CARMIL1: variants seen among roughly 807,000 people sequenced by gnomAD.
CARMIL1 encodes the protein F-actin-uncapping protein LRRC16A.
Under a neutral mutation model 177.1 loss-of-function variants are expected in CARMIL1, and 90 were observed. The ratio of observed to expected loss-of-function variants is 0.51; its 90% CI spans 0.43 to 0.61. The LOEUF is 0.61. Among genes scored for constraint, CARMIL1 ranks in the 20% least tolerant of loss-of-function variants. The pLI, the probability that CARMIL1 is intolerant of heterozygous loss-of-function variation, is 0.00. For synonymous variants in CARMIL1, 577 were observed against 606.2 expected, an observed-to-expected ratio of 0.95 and a Z score of 0.71; for missense variants, 1,380 against 1,667.0, an observed-to-expected ratio of 0.83 and a Z score of 3.00.
intron 26 of CARMIL1, among the ~76,000 whole-genome samples, chr6:25,546,554 G>A (rs56285037): frequency 0.14 from 20,881 of 151,156 alleles, 1,570 homozygotes; most frequent in Middle Eastern, 0.19. Flanking sequence ...TTAAAAATTA[G>A]CTGGACATGG....
intron 2 of CARMIL1, among the ~76,000 whole-genome samples, chr6:25,406,946 A>C (rs975249227): frequency 1.6e-5 from 2 of 127,386 alleles, no homozygotes; most frequent in African/African-American, 6.0e-5. Flanking sequence ...GGGATTGGAC[A>C]TGTGACTAGG....
At chr6:25,544,696 A>G (rs1253878971) in intron 26 of CARMIL1, among the ~76,000 whole-genome samples, 1 of 152,216 alleles carries the variant, frequency 6.6e-6, no homozygotes, top group East Asian at 1.9e-4. Flanking sequence ...TATCCAAAAA[A>G]TGTAGTCTGA....
intron 8 of CARMIL1, among the ~76,000 whole-genome samples, chr6:25,464,075 G>A (rs998736281): frequency 2.0e-5 from 3 of 152,044 alleles, no homozygotes; most frequent in Non-Finnish European, 4.4e-5. Flanking sequence ...GCCCGTCTCG[G>A]CCTCCCAAAA....
At position 25,562,403 on chromosome 6, in the gene CARMIL1, G is replaced by A. The variant is rs187774048; in HGVS notation, c.2742+5553G>A. On this transcript the variant is annotated intron_variant, in intron 29 of 36. Transcript: ENST00000329474. ...GCTGGGATTACAGGCGCCTGCCACCGCGCCTGGCTAATTTTTGTATTTTTT... is the reference window on the plus strand; with the variant it reads ...GCTGGGATTACAGGCGCCTGCCACCACGCCTGGCTAATTTTTGTATTTTTT... Among the ~76,000 whole-genome samples the A allele has an allele frequency of 2.0e-3, 308 of 152,040 alleles. 2 individuals are homozygous for A. The highest frequency in any genetic ancestry group is 6.8e-3 in the Middle Eastern group (2 of 294).
At chr6:25,394,264 A>G (rs1204548666) in intron 2 of CARMIL1, among the ~76,000 whole-genome samples, 1 of 152,218 alleles carries the variant, frequency 6.6e-6, no homozygotes, top group Admixed American at 6.5e-5. Context: ...ATGATGACAC[A>G]GTAGCCAGCA....
chr6:25,393,780 C>A (rs914083405), intron 2 of CARMIL1, among the ~76,000 whole-genome samples: 10 of 151,528 alleles, frequency 6.6e-5, no homozygotes, highest in East Asian at 5.8e-4. Context: ...TCGCTTGAAC[C>A]CAGGAGTTGG....
At chr6:25,293,268 GT>G (rs2150149502) in intron 2 of CARMIL1, among the ~76,000 whole-genome samples, 2 of 99,844 alleles carry the variant, frequency 2.0e-5, no homozygotes, top group East Asian at 5.1e-4. Flanking sequence ...GATGCTTGGT[GT>G]GTGTGTGTGT....
chr6:25,452,003 C>CCCCA, intron 8 of CARMIL1: 1 of 294,088 alleles, frequency 3.4e-6, no homozygotes, highest in South Asian at 3.3e-5. Flanking sequence ...CCTCCCCCCC[C>CCCCA]CAGAATACTG....
chr6:25,610,044 C>G lies in CARMIL1; in HGVS notation c.3848-6C>G. The G allele has an allele frequency of 6.2e-7, 1 of 1,613,306 alleles. No individual in the cohort carries two copies. The highest frequency in any genetic ancestry group is 1.3e-5 in the African/African-American group (1 of 74,982). ...CAGTTTGATTCACGTGTTTGTGTCTCCTTAGATGACATTCCAGACTCTCCA... is the reference window on the plus strand; with the variant it reads ...CAGTTTGATTCACGTGTTTGTGTCTGCTTAGATGACATTCCAGACTCTCCA... On this transcript the variant is annotated splice_polypyrimidine_tract_variant and splice_region_variant and intron_variant, in intron 35 of 36. Transcript: ENST00000329474.
intron 5 of CARMIL1, among the ~76,000 whole-genome samples, chr6:25,441,044 A>G (rs1018938113): frequency 2.0e-5 from 3 of 152,166 alleles, no homozygotes; most frequent in Admixed American, 6.5e-5. Flanking sequence ...CAAAGATCTG[A>G]ATTTCTGATT....
At position 25,465,073 on chromosome 6, in the gene CARMIL1, A is replaced by G. The variant is rs1800475660; in HGVS notation, c.615-800A>G. Among the ~76,000 whole-genome samples the G allele has an allele frequency of 2.5e-5, 3 of 120,820 alleles. No homozygotes were observed. In the South Asian group the frequency reaches 8.3e-4, roughly 33 times the overall value. The allele number at this position is 120,820 out of a possible 152,430, so 79.3% of individuals were successfully genotyped here. ...GCAGTCACTGCTAAGAACTAAAGCA[A>G]AAAAAAAAAAAAAAAAAAAGACCAA... On this transcript the variant is annotated intron_variant, in intron 8 of 36. Transcript: ENST00000329474.
At chr6:25,506,197 G>GTGACAGGATGCA (rs1278299585) in intron 17 of CARMIL1, among the ~76,000 whole-genome samples, 1 of 152,170 alleles carries the variant, frequency 6.6e-6, no homozygotes, top group Non-Finnish European at 1.5e-5. Flanking sequence ...AATGTTCCAC[G>GTGACAGGATGCA]TGACAGGATG....
chr6:25,591,880 G>A (rs1470032007), intron 31 of CARMIL1, among the ~76,000 whole-genome samples: 2 of 152,162 alleles, frequency 1.3e-5, no homozygotes, highest in East Asian at 1.9e-4. Context: ...CTGTCCTGCA[G>A]GAAAGCAAAC....
At position 25,515,566 on chromosome 6, in the gene CARMIL1, C is replaced by T; in HGVS notation, c.1633-109C>T. ...GTCTTTTAGGTAGTAGTTCTAAAAT[C>T]AGACACGTGCAGTAGGTCCATCCCC... is the stretch of plus-strand genomic sequence containing the variant. On this transcript the variant is annotated intron_variant, in intron 20 of 36. Coordinates refer to ENST00000329474, the MANE Select transcript of CARMIL1 (RefSeq NM_017640.6). The surrounding 1 kb of genome is among the most constrained non-coding windows in gnomAD (Gnocchi z 5.0). The T allele has an allele frequency of 9.9e-7, 1 of 1,005,030 alleles. No homozygotes were observed. Among genetic ancestry groups the T allele is most frequent in the Admixed American group, 2.8e-5 (1 of 35,634 alleles). The allele number at this position is 1,005,030 out of a possible 1,614,324, so 62.3% of individuals were successfully genotyped here. A position where few individuals can be genotyped will look rare whatever the true frequency, so the allele number is the denominator to read the frequency against.
chr6:25,501,572 T>C (rs528248904), intron 17 of CARMIL1, among the ~76,000 whole-genome samples: 1 of 152,328 alleles, frequency 6.6e-6, no homozygotes, highest in Admixed American at 6.5e-5. Context: ...TCTGCCAAGT[T>C]TCTTCCCTGC....
intron 12 of CARMIL1, among the ~76,000 whole-genome samples, chr6:25,487,685 CTCAAAGAGCTCCTTT>C (rs1339066471): frequency 1.3e-5 from 2 of 152,072 alleles, no homozygotes; most frequent in Non-Finnish European, 2.9e-5. Context: ...AATGACACAC[CTCAAAGAGCTCCTTT>C]TCCCTTCTGA....
At chr6:25,563,138 TA>T in intron 29 of CARMIL1, 2 of 685,284 alleles carry the variant, frequency 2.9e-6, no homozygotes, top group Non-Finnish European at 3.6e-6. Flanking sequence ...CTGGGTATAG[TA>T]CAGTAGAGCC....
intron 10 of CARMIL1, 109 bp from the exon 11 acceptor site, chr6:25,472,318 T>C (rs569806778): frequency 1.4e-6 from 1 of 722,886 alleles, no homozygotes; most frequent in African/African-American, 1.8e-5. Context: ...AGACTAATAT[T>C]GTAAGGGAGG....
At chr6:25,560,406 G>A (rs746481723) in intron 29 of CARMIL1, among the ~76,000 whole-genome samples, 4 of 152,020 alleles carry the variant, frequency 2.6e-5, no homozygotes, top group Admixed American at 6.6e-5. Context: ...TAGCCCCCGA[G>A]AGTCTGACAT....
Sources: gnomAD v4.1 joint callset for allele counts (sites outside exome capture counted in the v4.1 genomes callset) on GRCh38, gnomAD v4.1.1 for gene constraint, Gnocchi (gnomAD v3.1) non-coding constraint, MANE v1.5 for transcripts, NCBI Gene and HGNC (gene_info 2026-07-23, HGNC 2026-07-21) for gene names.